The following CRACD variants were observed in gnomAD, a reference collection of about 807,000 sequenced individuals.
The protein encoded by CRACD is capping protein inhibiting regulator of actin dynamics, also known as capping protein-inhibiting regulator of actin dynamics.
CRACD carries 56 observed loss-of-function variants against 106.8 expected under a neutral mutation model. The ratio of observed to expected loss-of-function variants is 0.52; its 90% CI spans 0.42 to 0.66. CRACD has a LOEUF of 0.66. Ranked by LOEUF, CRACD falls within the 30% of genes least tolerant of loss-of-function variation. The pLI is 0.00. For synonymous variants in CRACD, 754 were observed against 670.8 expected, an observed-to-expected ratio of 1.12 and a Z score of -1.92; for missense variants, 1,730 against 1,623.2, an observed-to-expected ratio of 1.07 and a Z score of -1.13.
rs765156899 is a variant in CRACD at position 56,315,158 on chromosome 4, A to C, written c.1656A>C (p.Lys552Asn). Reference protein sequence around the residue: ...SSGGKQILFPKVNLSPVTPAK... With the variant: ...SSGGKQILFPNVNLSPVTPAK... ...GAGGGAAGCAGATTCTCTTTCCCAA[A>C]GTCAACCTGAGCCCCGTGACGCCCG... The change falls in exon 8 of 11, where the codon AAA (lysine) becomes AAC (asparagine). Residue 552 changes from lysine to asparagine, a missense_variant. Around this residue, in one of 5 missense-constraint regions of CRACD, gnomAD observed 1,620 missense variants for 1,481.6 expected, o/e 1.09. Transcript: ENST00000682029. This position sits in a 1 kb window ranked among gnomAD's most constrained non-coding sequence, Gnocchi z 4.1. The C allele has an allele frequency of 3.1e-6, 5 of 1,604,310 alleles. No homozygotes were observed. Among genetic ancestry groups the C allele is most frequent in the Non-Finnish European group, 4.3e-6 (5 of 1,176,152 alleles).
intron 4 of CRACD, among the ~76,000 whole-genome samples, chr4:56,307,004 C>G (rs937038787): frequency 6.6e-6 from 1 of 152,196 alleles, no homozygotes; most frequent in Non-Finnish European, 1.5e-5. Context: ...TTTGGGGTCT[C>G]AAGCTAAGGG....
At chr4:56,269,012 A>T (rs1742193088) in intron 2 of CRACD, among the ~76,000 whole-genome samples, 1 of 152,216 alleles carries the variant, frequency 6.6e-6, no homozygotes, top group African/African-American at 2.4e-5. Context: ...TTTAAATGAT[A>T]TCTCAATTGT....
chr4:56,093,014 C>T (rs562563526), intron 1 of CRACD, among the ~76,000 whole-genome samples: 146 of 152,182 alleles, frequency 9.6e-4, no homozygotes, highest in African/African-American at 3.3e-3. Flanking sequence ...TGAATTAGTG[C>T]GGGTGCTTTG....
chr4:56,083,511 C>A (rs954993489), intron 1 of CRACD, among the ~76,000 whole-genome samples: 1 of 151,960 alleles, frequency 6.6e-6, no homozygotes, highest in Non-Finnish European at 1.5e-5. Flanking sequence ...CCATACCCCA[C>A]CCTACCCTAC....
intron 1 of CRACD, among the ~76,000 whole-genome samples, chr4:56,093,248 G>C (rs922526557): frequency 2.0e-5 from 3 of 152,144 alleles, no homozygotes; most frequent in African/African-American, 7.2e-5. Context: ...AGTCATGCTA[G>C]CCTGTAATTC....
chr4:56,052,809 A>AT (rs1211496039), intron 1 of CRACD, among the ~76,000 whole-genome samples: 1 of 152,048 alleles, frequency 6.6e-6, no homozygotes, highest in East Asian at 1.9e-4. Flanking sequence ...CTTAACCCCC[A>AT]TGGTTTTCTG....
chr4:56,126,428 G>C (rs925597679), intron 1 of CRACD, among the ~76,000 whole-genome samples: 1 of 152,140 alleles, frequency 6.6e-6, no homozygotes, highest in Non-Finnish European at 1.5e-5. Context: ...ATCTCTTACA[G>C]ATCATTTAGG....
chr4:56,325,485 G>A (rs1257542804), intron 10 of CRACD, among the ~76,000 whole-genome samples: 1 of 152,230 alleles, frequency 6.6e-6, no homozygotes, highest in African/African-American at 2.4e-5. Flanking sequence ...TGTTCTCACT[G>A]ATGTGATTTC....
At chr4:56,107,818 G>A (rs1254115365) in intron 1 of CRACD, among the ~76,000 whole-genome samples, 1 of 152,186 alleles carries the variant, frequency 6.6e-6, no homozygotes, top group Non-Finnish European at 1.5e-5. Flanking sequence ...TGACACATTT[G>A]TGTATCAATC....
chr4:56,190,342 G>A (rs893811010), intron 2 of CRACD, among the ~76,000 whole-genome samples: 2 of 152,072 alleles, frequency 1.3e-5, no homozygotes, highest in African/African-American at 4.8e-5. Context: ...CCCAGTAATG[G>A]GATGGCTGGG....
At position 56,274,680 on chromosome 4, in the gene CRACD, C is replaced by CA. The variant is rs58333273; in HGVS notation, c.-17+2188_-17+2189insA. On this transcript the variant is annotated intron_variant, in intron 3 of 10. Coordinates refer to ENST00000682029, the MANE Select transcript of CRACD (RefSeq NM_001393381.1). Reference sequence around the variant, plus strand: ...AGACGTGTACTATATTTTAATTAAACCTTTTTATAATAAACACATCTCTTA... The same window carrying CA: ...AGACGTGTACTATATTTTAATTAAACACTTTTTATAATAAACACATCTCTTA... 6.5e-4 allele frequency among the ~76,000 whole-genome samples: 98 copies of CA among 151,672 alleles called. 1 individual carries two copies. The highest frequency in any genetic ancestry group is 2.3e-3 in the African/African-American group (97 of 41,304).
At chr4:56,280,156 G>A in intron 3 of CRACD, among the ~76,000 whole-genome samples, 1 of 108,796 alleles carries the variant, frequency 9.2e-6, no homozygotes, top group Non-Finnish European at 1.8e-5. Context: ...GGTGGGGGGA[G>A]GGGGGAGGGA....
intron 1 of CRACD, among the ~76,000 whole-genome samples, chr4:56,120,171 A>G (rs1734437031): frequency 6.6e-6 from 1 of 152,228 alleles, no homozygotes; most frequent in Non-Finnish European, 1.5e-5. Context: ...AGAACTCTGC[A>G]AGACAAGGAG....
chr4:56,279,285 GT>G (rs1742865722), intron 3 of CRACD, among the ~76,000 whole-genome samples: 1 of 152,112 alleles, frequency 6.6e-6, no homozygotes, highest in South Asian at 2.1e-4. Flanking sequence ...GACTGGAGCT[GT>G]TCCTATTCGG....
At chr4:56,248,490 A>G (rs1477769915) in intron 2 of CRACD, among the ~76,000 whole-genome samples, 1 of 147,436 alleles carries the variant, frequency 6.8e-6, no homozygotes, top group Non-Finnish European at 1.5e-5. Flanking sequence ...TCAAGGCTCA[A>G]TGCATTATTT....
intron 2 of CRACD, among the ~76,000 whole-genome samples, chr4:56,212,213 C>T (rs183172676): frequency 6.6e-6 from 1 of 152,138 alleles, no homozygotes; most frequent in African/African-American, 2.4e-5. Context: ...AAAGACATTC[C>T]CATCAGCACC....
At position 56,328,576 on chromosome 4, in the gene CRACD, C is replaced by T. The variant is rs769454902; in HGVS notation, c.*772C>T. 3 of 347,286 alleles carry T rather than the reference C, an allele frequency of 8.6e-6. No homozygotes were observed. Among genetic ancestry groups the T allele is most frequent in the African/African-American group, 4.3e-5 (2 of 46,628 alleles). 21.5% of individuals were successfully genotyped at this position (347,286 alleles called of 1,614,324 possible). ...TAGATCAGAGCTACAAGTTCACTTT[C>T]TGTCTCTGAGAATCTCCATCTAGGG... On this transcript the variant is annotated 3_prime_UTR_variant, in exon 11 of 11. Coordinates refer to ENST00000682029, the MANE Select transcript of CRACD (RefSeq NM_001393381.1).
In CRACD at chr4:56,229,980, TGGAAAAA is replaced by T. The variant is rs1739520811; in HGVS notation, c.-188-42339_-188-42333del. ...TTACTGCTTAGAATTAAATATTGCT[TGGAAAAA>T]GAAAAGCATGTCTTTATGTTTGCCC... On this transcript the variant is annotated intron_variant, in intron 2 of 10. Coordinates refer to ENST00000682029, the MANE Select transcript of CRACD (RefSeq NM_001393381.1). 2.0e-5 allele frequency among the ~76,000 whole-genome samples: 3 copies of T among 152,350 alleles called. No individual in the cohort carries two copies. The South Asian group carries it at 6.2e-4, about 32-fold the overall frequency.
chr4:56,132,526 G>A (rs1199886856), intron 1 of CRACD, among the ~76,000 whole-genome samples: 6 of 151,756 alleles, frequency 4.0e-5, no homozygotes, highest in Non-Finnish European at 7.4e-5. Flanking sequence ...TGTATTTTTT[G>A]TAGGGTTTCA....
Sources: gnomAD v4.1 joint callset for allele counts (sites outside exome capture counted in the v4.1 genomes callset) on GRCh38, gnomAD v4.1.1 for gene constraint, gnomAD v4.1.1 regional missense constraint, Gnocchi (gnomAD v3.1) non-coding constraint, MANE v1.5 for transcripts, NCBI Gene and HGNC (gene_info 2026-07-23, HGNC 2026-07-21) for gene names.